Variants in RSRC1 observed in about 807,000 individuals in gnomAD.
The protein encoded by RSRC1 is arginine and serine rich coiled-coil 1.
RSRC1 carries 39 observed loss-of-function variants against 49.1 expected under a neutral mutation model. That is an observed-to-expected ratio of 0.79 (90% CI 0.61 to 1.04). The LOEUF is 1.04. Ranked by LOEUF, RSRC1 falls within the 50% of genes least tolerant of loss-of-function variation. The probability of loss-of-function intolerance (pLI) is 0.00; values close to 1 mark genes in which losing one functional copy is unlikely to be tolerated. For missense variants in RSRC1, 388 were observed against 402.4 expected (o/e 0.96, Z 0.31); for synonymous variants, 143 against 130.8 (o/e 1.09, Z -0.63).
intron 5 of RSRC1, among the ~76,000 whole-genome samples, chr3:158,338,552 T>C (rs1730045213): frequency 6.6e-6 from 1 of 152,184 alleles, no homozygotes; most frequent in African/African-American, 2.4e-5. Flanking sequence ...GCAAATATGT[T>C]TAGTAGTTTT....
intron 6 of RSRC1, among the ~76,000 whole-genome samples, chr3:158,380,034 C>A (rs773055049): frequency 6.6e-6 from 1 of 151,944 alleles, no homozygotes; most frequent in Non-Finnish European, 1.5e-5. Context: ...GCTTAATAAA[C>A]GTTTTCTGGT....
intron 7 of RSRC1, among the ~76,000 whole-genome samples, chr3:158,534,181 A>T (rs957905693): frequency 1.3e-5 from 2 of 151,740 alleles, no homozygotes; most frequent in African/African-American, 4.8e-5. Context: ...CATAAGAGCC[A>T]TCTTTCCCAC....
intron 5 of RSRC1, among the ~76,000 whole-genome samples, chr3:158,334,772 GC>G (rs1337716004): frequency 6.6e-6 from 1 of 151,652 alleles, no homozygotes; most frequent in Non-Finnish European, 1.5e-5. Flanking sequence ...GCCCACCTCA[GC>G]CCCCACAAAG....
intron 3 of RSRC1, among the ~76,000 whole-genome samples, chr3:158,195,675 TA>T (rs550873786): frequency 9.8e-4 from 150 of 152,328 alleles, no homozygotes; most frequent in African/African-American, 3.4e-3. Context: ...AATTTTTGTA[TA>T]AGGTGTAAGG....
chr3:158,342,284 A>G (rs571339101), intron 5 of RSRC1, among the ~76,000 whole-genome samples: 5 of 152,278 alleles, frequency 3.3e-5, no homozygotes, highest in South Asian at 2.1e-4. Flanking sequence ...CCAAATCTCA[A>G]CTTGAATTGT....
At chr3:158,375,597 T>A (rs1169647039) in intron 6 of RSRC1, among the ~76,000 whole-genome samples, 1 of 152,142 alleles carries the variant, frequency 6.6e-6, no homozygotes, top group African/African-American at 2.4e-5. Context: ...ACATTTATAT[T>A]CAAACCTTAT....
intron 6 of RSRC1, among the ~76,000 whole-genome samples, chr3:158,358,084 T>G (rs1360905479): frequency 6.6e-6 from 1 of 152,228 alleles, no homozygotes; most frequent in Non-Finnish European, 1.5e-5. Context: ...GGTATGATTC[T>G]GAAAGGCATA....
intron 4 of RSRC1, among the ~76,000 whole-genome samples, chr3:158,252,887 A>G (rs1724301763): frequency 6.6e-6 from 1 of 152,088 alleles, no homozygotes; most frequent in South Asian, 2.1e-4. Flanking sequence ...TTCTCATAGT[A>G]GCCTTTATTG....
chr3:158,123,507 A>G (rs527755339), intron 2 of RSRC1, among the ~76,000 whole-genome samples: 2 of 152,190 alleles, frequency 1.3e-5, no homozygotes, highest in South Asian at 2.1e-4. Flanking sequence ...TGTGTTGCCC[A>G]AGCTGGTATC....
At chr3:158,214,903 A>G (rs927451147) in intron 4 of RSRC1, among the ~76,000 whole-genome samples, 1 of 151,896 alleles carries the variant, frequency 6.6e-6, no homozygotes, top group East Asian at 1.9e-4. Flanking sequence ...CATCTGTTGT[A>G]TAAATAGCAA....
At chr3:158,196,024 A>G (rs1282077861) in intron 3 of RSRC1, among the ~76,000 whole-genome samples, 3 of 152,044 alleles carry the variant, frequency 2.0e-5, no homozygotes, top group Non-Finnish European at 4.4e-5. Flanking sequence ...GTTTTTTTCA[A>G]TTCTGTGAAG....
chr3:158,300,077 C>G (rs959570575), intron 5 of RSRC1, among the ~76,000 whole-genome samples: 2 of 152,084 alleles, frequency 1.3e-5, no homozygotes, highest in Non-Finnish European at 2.9e-5. Context: ...ATTTTTGACA[C>G]TAAGTTATAT....
At chr3:158,477,798 T>TTATATATATATATATATATATATA (rs67839411) in intron 7 of RSRC1, among the ~76,000 whole-genome samples, 30 of 89,750 alleles carry the variant, frequency 3.3e-4, no homozygotes, top group African/African-American at 1.2e-3. Flanking sequence ...CGGGAGGGAT[T>TTATATATATATATATATATATATA]TATATATATA....
intron 5 of RSRC1, among the ~76,000 whole-genome samples, chr3:158,306,805 G>A (rs1242992515): frequency 3.3e-5 from 5 of 151,648 alleles, no homozygotes; most frequent in Non-Finnish European, 3.0e-5. Context: ...TCATATCATC[G>A]TATTATAGTA....
chr3:158,469,407 A>G (rs1379385716), intron 7 of RSRC1: 4 of 444,870 alleles, frequency 9.0e-6, no homozygotes, highest in Non-Finnish European at 9.0e-6. Context: ...CATGATGCAT[A>G]TATGATTCCT....
chr3:158,377,740 A>G (rs1478018608), intron 6 of RSRC1, among the ~76,000 whole-genome samples: 3 of 151,294 alleles, frequency 2.0e-5, no homozygotes, highest in East Asian at 3.9e-4. Flanking sequence ...GCTCACTGCA[A>G]CCTCCGCCCC....
chr3:158,482,719 G>A (rs1738661530), intron 7 of RSRC1, among the ~76,000 whole-genome samples: 1 of 151,896 alleles, frequency 6.6e-6, no homozygotes, highest in African/African-American at 2.4e-5. Flanking sequence ...TTATTGAAAA[G>A]GTAGGCCTTA....
chr3:158,258,551 C>T (rs1176930766), intron 4 of RSRC1, among the ~76,000 whole-genome samples: 1 of 151,924 alleles, frequency 6.6e-6, no homozygotes, highest in Non-Finnish European at 1.5e-5. Flanking sequence ...GCTTGGTGTT[C>T]TATAACCTTC....
intron 7 of RSRC1, among the ~76,000 whole-genome samples, chr3:158,488,544 T>A (rs1395299253): frequency 2.0e-5 from 3 of 152,208 alleles, no homozygotes; most frequent in Non-Finnish European, 1.5e-5. Context: ...TATTGGAAAT[T>A]TTAGACATTA....
Sources: allele counts gnomAD v4.1 joint callset (sites outside exome capture counted in the v4.1 genomes callset), GRCh38; gene constraint gnomAD v4.1.1; transcripts MANE v1.5; gene names NCBI Gene and HGNC (gene_info 2026-07-23, HGNC 2026-07-21).